The following PINK1 variants were observed in gnomAD, a reference collection of about 807,000 sequenced individuals.
The protein encoded by PINK1 is PTEN induced kinase 1.
PINK1 carries 58 observed loss-of-function variants against 56.0 expected under a neutral mutation model. That is an observed-to-expected ratio of 1.04 (90% CI 0.84 to 1.29). PINK1 has a LOEUF of 1.29. PINK1 is among the 50% of genes most tolerant of loss of function. PINK1 has a pLI of 0.00. For missense variants in PINK1, 745 were observed against 777.9 expected, an observed-to-expected ratio of 0.96 and a Z score of 0.50; for synonymous variants, 354 against 339.3, an observed-to-expected ratio of 1.04 and a Z score of -0.48.
chr1:20,646,652 T>A (rs149197881), intron 5 of PINK1, among the ~76,000 whole-genome samples: 35 of 79,676 alleles, frequency 4.4e-4, no homozygotes, highest in South Asian at 1.0e-3. Context: ...CAAAATAAAT[T>A]AATTAATTAA....
chr1:20,650,793 CAG>C lies in PINK1; in HGVS notation c.*107_*108del, dbSNP rs1374353379. On this transcript the variant is annotated 3_prime_UTR_variant, in exon 8 of 8. Coordinates refer to ENST00000321556, the MANE Select transcript of PINK1 (RefSeq NM_032409.3). ...GTGGGAGTCAGGAGACAAGACAGCG[CAG>C]AGAGGGCTGGTTAGCCGGAAAAGGC... is the stretch of plus-strand genomic sequence containing the variant. 26 of 1,487,474 alleles carry C rather than the reference CAG, an allele frequency of 1.7e-5. No homozygotes were observed. In the African/African-American group the frequency reaches 2.1e-4, roughly 12 times the overall value. The allele number at this position is 1,487,474 out of a possible 1,614,324, so 92.1% of individuals were successfully genotyped here.
At chr1:20,638,964 C>T (rs1270785936) in intron 2 of PINK1, 2 of 152,350 alleles carry the variant, frequency 1.3e-5, no homozygotes, top group African/African-American at 4.8e-5. Flanking sequence ...GGACTCAAGA[C>T]TTTGGGAAAT....
chr1:20,646,871 TTTA>T (rs2053188549), intron 5 of PINK1, among the ~76,000 whole-genome samples: 1 of 130,912 alleles, frequency 7.6e-6, no homozygotes, highest in Non-Finnish European at 1.7e-5. Flanking sequence ...TCTTTATTTA[TTTA>T]CTTATTTATT....
At chr1:20,642,029 T>C (rs1468807198) in intron 3 of PINK1, among the ~76,000 whole-genome samples, 2 of 152,164 alleles carry the variant, frequency 1.3e-5, no homozygotes, top group East Asian at 3.9e-4. Context: ...GAAACGATGC[T>C]CTGGCTCCTT....
In PINK1 at chr1:20,651,181, A is replaced by C. The variant is rs16824318; in HGVS notation, c.*490A>C. 0.021 allele frequency: 3,889 copies of C among 185,506 alleles called. 138 individuals carry two copies. Among genetic ancestry groups the C allele is most frequent in the African/African-American group, 0.069 (2,944 of 42,914 alleles). 11.5% of individuals were successfully genotyped at this position (185,506 alleles called of 1,614,324 possible). A position where few individuals can be genotyped will look rare whatever the true frequency, so the allele number is the denominator to read the frequency against. Reference sequence around the variant, plus strand: ...GCTGTGCGTTCTGGACCAGCTACTGAATTATTAATCTCACTTAGCGAAAGT... The same window carrying C: ...GCTGTGCGTTCTGGACCAGCTACTGCATTATTAATCTCACTTAGCGAAAGT... On this transcript the variant is annotated 3_prime_UTR_variant, in exon 8 of 8. Transcript: ENST00000321556.
At chr1:20,642,336 TC>T (rs950542329) in intron 3 of PINK1, among the ~76,000 whole-genome samples, 4 of 152,150 alleles carry the variant, frequency 2.6e-5, no homozygotes, top group Non-Finnish European at 1.5e-5. Flanking sequence ...CAACCCTGTC[TC>T]CCTGTGCTAG....
rs950369685 is a variant in PINK1, at chr1:20,633,528, G to A, written c.-21G>A. 8.8e-7 allele frequency: 1 copy of A among 1,142,698 alleles called. No homozygotes were observed. The highest frequency in any genetic ancestry group is 1.1e-6 in the Non-Finnish European group (1 of 931,498). The allele number at this position is 1,142,698 out of a possible 1,614,324, so 70.8% of individuals were successfully genotyped here. On this transcript the variant is annotated 5_prime_UTR_variant, in exon 1 of 8. Coordinates refer to ENST00000321556, the MANE Select transcript of PINK1 (RefSeq NM_032409.3). ...GGTGGCGGCAGCGGCGGCTGCGGGG[G>A]CACCGGGCCGCGGCGCCACCATGGC...
intron 3 of PINK1, among the ~76,000 whole-genome samples, chr1:20,643,352 C>T (rs1011108017): frequency 2.0e-5 from 3 of 152,198 alleles, no homozygotes; most frequent in Non-Finnish European, 2.9e-5. Flanking sequence ...GGTCGGGGGG[C>T]GCTCCCCACA....
intron 4 of PINK1, 113 bp downstream of exon 4, chr1:20,644,785 C>T: frequency 7.3e-7 from 1 of 1,360,978 alleles, no homozygotes; most frequent in South Asian, 1.3e-5. Flanking sequence ...GGGTCATCAC[C>T]CTTCCGGAGA....
rs952841358 is a variant in PINK1 at position 20,641,517 on chromosome 1, C to T, written c.776+1525C>T. 6.6e-6 allele frequency among the ~76,000 whole-genome samples: 1 copy of T among 152,064 alleles called. No homozygotes were observed. Among genetic ancestry groups the T allele is most frequent in the Non-Finnish European group, 1.5e-5 (1 of 68,010 alleles). On this transcript the variant is annotated intron_variant, in intron 3 of 7. Transcript: ENST00000321556. This position sits in a 1 kb window ranked among gnomAD's most constrained non-coding sequence, Gnocchi z 4.0. ...TTTTTCTGTTGGTTCCTTTTTGCTCCAGCTGTACTGTAAACACTCTTTGTT... is the reference window on the plus strand; with the variant it reads ...TTTTTCTGTTGGTTCCTTTTTGCTCTAGCTGTACTGTAAACACTCTTTGTT...
In PINK1 at chr1:20,633,934, A is replaced by G. The variant is rs867839970; in HGVS notation, c.386A>G (p.Gln129Arg). Residue 129 changes from glutamine (Q) to arginine (R), a missense_variant and splice_region_variant, in exon 1 of 8, where the codon CAG (glutamine) becomes CGG (arginine). Coordinates refer to ENST00000321556, the MANE Select transcript of PINK1 (RefSeq NM_032409.3). ...RRAVSACQEI[Q>R]AIFTQKSKPG... Reference sequence around the variant, plus strand: ...GCGGTCTCGGCCTGTCAGGAGATCCAGGTGAGCGGGGCCGGGTCCTAAGCC... The same window carrying G: ...GCGGTCTCGGCCTGTCAGGAGATCCGGGTGAGCGGGGCCGGGTCCTAAGCC... The G allele has an allele frequency of 6.4e-6, 9 of 1,409,494 alleles. No homozygotes were observed. Among genetic ancestry groups the G allele is most frequent in the East Asian group, 3.4e-5 (1 of 29,792 alleles). 87.3% of individuals were successfully genotyped at this position (1,409,494 alleles called of 1,614,324 possible).
chr1:20,646,859 TTTCTTTATTTATTTAC>T lies in PINK1; in HGVS notation c.1123+1139_1123+1154del, dbSNP rs1197177045. 1.6e-3 allele frequency among the ~76,000 whole-genome samples: 94 copies of T among 58,090 alleles called. 1 individual carries two copies. Among genetic ancestry groups the T allele is most frequent in the African/African-American group, 3.6e-3 (78 of 21,410 alleles). 38.1% of individuals were successfully genotyped at this position (58,090 alleles called of 152,430 possible). ...TGACTAGAGGAACTGGCTTTTATTA[TTTCTTTATTTATTTAC>T]TTATTTATTTATTTATTTATTTGAG... On this transcript the variant is annotated intron_variant, in intron 5 of 7. Coordinates refer to ENST00000321556, the MANE Select transcript of PINK1 (RefSeq NM_032409.3).
rs765643910 is a variant in PINK1, at chr1:20,650,690, G to T, written c.1745G>T (p.Ter582LeuextTer10). 5.5e-5 allele frequency: 88 copies of T among 1,613,242 alleles called. No individual in the cohort carries two copies. The highest frequency in any genetic ancestry group is 6.7e-5 in the Non-Finnish European group (79 of 1,180,004). Residue 582 changes from the stop codon to leucine (L), a stop_lost, in exon 8 of 8, where the codon TGA becomes TTA. Transcript: ENST00000321556. ...CTCTGCTCATGGAGGGCAGCCCTGTGATGTCCCTGCATGGAGCTGGTGAAT... is the reference window on the plus strand; with the variant it reads ...CTCTGCTCATGGAGGGCAGCCCTGTTATGTCCCTGCATGGAGCTGGTGAAT... ...LLLCSWRAAL* is the reference protein window; with the variant it reads ...LLLCSWRAALL
intron 3 of PINK1, chr1:20,643,178 G>A (rs144031361): frequency 5.3e-5 from 8 of 152,240 alleles, no homozygotes; most frequent in African/African-American, 1.7e-4. Flanking sequence ...CCTTCCCTTC[G>A]TCCAACCATC....
intron 1 of PINK1, among the ~76,000 whole-genome samples, chr1:20,636,296 T>C (rs1379725522): frequency 6.6e-6 from 1 of 151,124 alleles, no homozygotes; most frequent in East Asian, 1.9e-4. Flanking sequence ...TTTATATATA[T>C]ACACACACAC....
chr1:20,650,850 T>A lies in PINK1; in HGVS notation c.*159T>A. 1.1e-6 allele frequency: 1 copy of A among 947,086 alleles called. No homozygotes were observed. Among genetic ancestry groups the A allele is most frequent in the Non-Finnish European group, 1.6e-6 (1 of 622,708 alleles). The allele number at this position is 947,086 out of a possible 1,614,324, so 58.7% of individuals were successfully genotyped here. A position where few individuals can be genotyped will look rare whatever the true frequency, so the allele number is the denominator to read the frequency against. On this transcript the variant is annotated 3_prime_UTR_variant, in exon 8 of 8. Transcript: ENST00000321556. The stretch of plus-strand genomic sequence containing the variant: ...GGCTTGGCAAATGGAAGAACTTGAG[T>A]GAGAGTTCAGTCTGCAGTCCTCTGC...
chr1:20,635,045 A>C lies in PINK1; in HGVS notation c.387+1110A>C, dbSNP rs1389455384. Among the ~76,000 whole-genome samples the C allele has an allele frequency of 5.3e-5, 8 of 152,226 alleles. No individual in the cohort carries two copies. The South Asian group carries it at 1.7e-3, about 32-fold the overall frequency. ...TCTTTTGCCACAGCTTAACTGGCAG[A>C]AGCTAAGGATGGGAAATTTGACTAA... is the stretch of plus-strand genomic sequence containing the variant. On this transcript the variant is annotated intron_variant, in intron 1 of 7. Coordinates refer to ENST00000321556, the MANE Select transcript of PINK1 (RefSeq NM_032409.3).
chr1:20,638,137 C>G lies in PINK1; in HGVS notation c.675+8C>G, dbSNP rs1306229464. The G allele has an allele frequency of 6.2e-7, 1 of 1,609,000 alleles. No homozygotes were observed. ...ATGATGTGGAACATCTCGGTAAGCA[C>G]CAGGCCTTTCATCTTTAAAGGAGAT... On this transcript the variant is annotated splice_region_variant and intron_variant, in intron 2 of 7. Transcript: ENST00000321556.
Position 20,638,086 on chromosome 1 carries a change from C to T in PINK1, c.632C>T (p.Ala211Val), listed in dbSNP as rs1240259518. Reference sequence around the variant, plus strand: ...GAAGGGCAGGAGCGAGCTCCGGGGGCCCCTGCCTTCCCCTTGGCCATCAAG... The same window carrying T: ...GAAGGGCAGGAGCGAGCTCCGGGGGTCCCTGCCTTCCCCTTGGCCATCAAG... ...PGEGQERAPG[A>V]PAFPLAIKMM... Residue 211 changes from alanine (A) to valine (V), a missense_variant, in exon 2 of 8, where the codon GCC (alanine) becomes GTC (valine). Transcript: ENST00000321556. 6.2e-7 allele frequency: 1 copy of T among 1,613,710 alleles called. No individual in the cohort carries two copies. The highest frequency in any genetic ancestry group is 1.7e-5 in the Admixed American group (1 of 60,020).
Sources: gnomAD v4.1 joint callset for allele counts (sites outside exome capture counted in the v4.1 genomes callset) on GRCh38, gnomAD v4.1.1 for gene constraint, Gnocchi (gnomAD v3.1) non-coding constraint, MANE v1.5 for transcripts, NCBI Gene and HGNC (gene_info 2026-07-23, HGNC 2026-07-21) for gene names.